Variants in ZNF609 observed in about 807,000 individuals in gnomAD.
ZNF609 encodes zinc finger protein 609.
A neutral mutation model predicts 109.5 loss-of-function variants in ZNF609; 11 were observed. The observed-to-expected ratio is 0.10, with a 90% confidence interval of 0.06 to 0.17. The LOEUF (loss-of-function observed/expected upper bound fraction) is 0.17, where lower values mean the gene tolerates loss of function less well. Among genes scored for constraint, ZNF609 ranks in the 10% least tolerant of loss-of-function variants. The pLI is 1.00. For synonymous variants in ZNF609, 646 were observed against 662.0 expected (o/e 0.98, Z 0.37); for missense variants, 1,559 against 1,772.4 (o/e 0.88, Z 2.16).
chr15:64,657,513 C>G (rs1249558942), intron 3 of ZNF609, among the ~76,000 whole-genome samples: 1 of 152,044 alleles, frequency 6.6e-6, no homozygotes, highest in Admixed American at 6.6e-5. Context: ...ACTCGGGAGG[C>G]TGAGGCAGGA....
At chr15:64,650,959 G>A (rs747142549) in intron 3 of ZNF609, among the ~76,000 whole-genome samples, 6 of 151,998 alleles carry the variant, frequency 3.9e-5, no homozygotes, top group East Asian at 1.9e-4. Context: ...TTACTGGCCC[G>A]GCAGAGCCAA....
intron 2 of ZNF609, among the ~76,000 whole-genome samples, chr15:64,532,910 G>A (rs950553210): frequency 1.3e-5 from 2 of 152,110 alleles, no homozygotes; most frequent in Non-Finnish European, 2.9e-5. Context: ...TTTTAGGTAC[G>A]GTACTCATGT....
At chr15:64,503,681 A>G (rs1893593495) in intron 2 of ZNF609, among the ~76,000 whole-genome samples, 1 of 152,210 alleles carries the variant, frequency 6.6e-6, no homozygotes, top group African/African-American at 2.4e-5. Context: ...GTTTCTAACC[A>G]GAAGCTCCCC....
intron 2 of ZNF609, among the ~76,000 whole-genome samples, chr15:64,552,491 C>G (rs1028703126): frequency 6.6e-6 from 1 of 152,044 alleles, no homozygotes; most frequent in Non-Finnish European, 1.5e-5. Context: ...GCTGCCTCAG[C>G]CTCCTACAGG....
intron 2 of ZNF609, chr15:64,528,617 G>C (rs1226831021): frequency 4.0e-6 from 3 of 754,610 alleles, no homozygotes; most frequent in Non-Finnish European, 6.8e-6. Flanking sequence ...CCAGCAGTAA[G>C]AGCTTCTGTC....
At chr15:64,680,114 A>G (rs1896860797) in intron 6 of ZNF609, 71 bp from the exon 7 acceptor site, 11 of 1,544,846 alleles carry the variant, frequency 7.1e-6, no homozygotes, top group Non-Finnish European at 9.7e-6. Flanking sequence ...TGCCCACCCA[A>G]TCAAGCTCAC....
intron 2 of ZNF609, among the ~76,000 whole-genome samples, chr15:64,607,192 T>A (rs902073970): frequency 4.1e-5 from 6 of 147,262 alleles, no homozygotes; most frequent in South Asian, 2.1e-4. Context: ...GTAAAAAAAA[T>A]AAATAAATAA....
chr15:64,597,755 T>C (rs1178040757), intron 2 of ZNF609, among the ~76,000 whole-genome samples: 1 of 152,182 alleles, frequency 6.6e-6, no homozygotes, highest in African/African-American at 2.4e-5. Context: ...AATATCTATC[T>C]GCTCTAGGAA....
chr15:64,640,896 G>A (rs1896243672), intron 3 of ZNF609, among the ~76,000 whole-genome samples: 1 of 152,214 alleles, frequency 6.6e-6, no homozygotes. Flanking sequence ...GTATAGATGG[G>A]AGGAGGAACT....
chr15:64,523,488 A>T (rs1446437233), intron 2 of ZNF609, among the ~76,000 whole-genome samples: 1 of 152,180 alleles, frequency 6.6e-6, no homozygotes, highest in Admixed American at 6.6e-5. Flanking sequence ...AATCTGCTAT[A>T]TTATAGGCCG....
At chr15:64,667,418 A>G (rs58590788) in intron 3 of ZNF609, among the ~76,000 whole-genome samples, 17,905 of 152,224 alleles carry the variant, frequency 0.12, 1,573 homozygotes, top group African/African-American at 0.25. Context: ...CATAGAAAAT[A>G]TGCCTTGGAG....
Position 64,685,345 on chromosome 15 carries a change from C to T in ZNF609, c.*3659C>T, listed in dbSNP as rs1338839047. ...TCCTTCCTCCCAATTTTCCTGTTCT[C>T]CCTCAGCTCTCCTGATCTTCCTGGC... On this transcript the variant is annotated 3_prime_UTR_variant, in exon 10 of 10. Coordinates refer to ENST00000326648, the MANE Select transcript of ZNF609 (RefSeq NM_015042.2). 1 of 152,700 alleles carries T rather than the reference C, an allele frequency of 6.5e-6. No homozygotes were observed. Among genetic ancestry groups the T allele is most frequent in the Non-Finnish European group, 1.5e-5 (1 of 68,106 alleles). 9.5% of individuals were successfully genotyped at this position (152,700 alleles called of 1,614,324 possible).
At chr15:64,496,658 T>C (rs1893486643) in intron 1 of ZNF609, among the ~76,000 whole-genome samples, 1 of 152,256 alleles carries the variant, frequency 6.6e-6, no homozygotes, top group Admixed American at 6.5e-5. Flanking sequence ...GCCTGGCACG[T>C]TGAAGGCAAT....
chr15:64,525,864 C>CT (rs2140367857), intron 2 of ZNF609, among the ~76,000 whole-genome samples: 1 of 151,782 alleles, frequency 6.6e-6, no homozygotes, highest in South Asian at 2.1e-4. Context: ...GCTTGGATCA[C>CT]TGCAACCTCC....
At chr15:64,606,219 T>C (rs1257544340) in intron 2 of ZNF609, among the ~76,000 whole-genome samples, 4 of 150,896 alleles carry the variant, frequency 2.7e-5, no homozygotes, top group Non-Finnish European at 5.9e-5. Context: ...GCTCAAGCAG[T>C]CCTCCTGCCT....
At chr15:64,639,115 A>C (rs1896218162) in intron 3 of ZNF609, among the ~76,000 whole-genome samples, 1 of 152,078 alleles carries the variant, frequency 6.6e-6, no homozygotes, top group Non-Finnish European at 1.5e-5. Flanking sequence ...AAAATAAATA[A>C]GATGGAGCTT....
At chr15:64,652,346 T>TA (rs1896430141) in intron 3 of ZNF609, among the ~76,000 whole-genome samples, 1 of 137,744 alleles carries the variant, frequency 7.3e-6, no homozygotes, top group African/African-American at 3.4e-5. Context: ...TATATATATA[T>TA]TTTTAGCCGG....
chr15:64,496,957 A>G (rs1383892677), intron 1 of ZNF609, among the ~76,000 whole-genome samples: 1 of 152,116 alleles, frequency 6.6e-6, no homozygotes. Context: ...CGGGGGCTAC[A>G]AGCATTACCA....
intron 2 of ZNF609, among the ~76,000 whole-genome samples, chr15:64,612,480 T>A (rs1166903709): frequency 9.9e-5 from 15 of 152,070 alleles, no homozygotes; most frequent in Admixed American, 3.3e-4. Flanking sequence ...GTTTGAAGAC[T>A]GGTTATGTTG....
Sources: allele counts gnomAD v4.1 joint callset (sites outside exome capture counted in the v4.1 genomes callset), GRCh38; gene constraint gnomAD v4.1.1; transcripts MANE v1.5; gene names NCBI Gene and HGNC (gene_info 2026-07-23, HGNC 2026-07-21).